CNIH3: variants seen among roughly 807,000 people sequenced by gnomAD.
CNIH3 encodes the protein cornichon family AMPA receptor auxiliary protein 3, also known as protein cornichon homolog 3.
CNIH3 carries 14 observed loss-of-function variants against 24.1 expected under a neutral mutation model. The observed-to-expected ratio is 0.58, with a 90% confidence interval of 0.38 to 0.91. The LOEUF (loss-of-function observed/expected upper bound fraction) is 0.91, where lower values mean the gene tolerates loss of function less well. Ranked by LOEUF, CNIH3 falls within the 40% of genes least tolerant of loss-of-function variation. The probability of loss-of-function intolerance (pLI) is 0.00; values close to 1 mark genes in which losing one functional copy is unlikely to be tolerated. For synonymous variants in CNIH3, 68 were observed against 73.8 expected (o/e 0.92, Z 0.40); for missense variants, 178 against 196.8 (o/e 0.90, Z 0.57).
At chr1:224,507,191 G>T (rs776894563) in intron 1 of CNIH3, among the ~76,000 whole-genome samples, 1 of 152,166 alleles carries the variant, frequency 6.6e-6, no homozygotes, top group Non-Finnish European at 1.5e-5. Context: ...GTATCAACAT[G>T]TATGTATCCC....
chr1:224,599,603 A>G (rs890324100), intron 3 of CNIH3, among the ~76,000 whole-genome samples: 3 of 151,858 alleles, frequency 2.0e-5, no homozygotes, highest in Non-Finnish European at 4.4e-5. Context: ...CATTTTGCAT[A>G]ATTTATTAGA....
intron 1 of CNIH3, among the ~76,000 whole-genome samples, chr1:224,671,700 A>G (rs1685875604): frequency 6.6e-6 from 1 of 152,244 alleles, no homozygotes; most frequent in African/African-American, 2.4e-5. Flanking sequence ...ACACTTTGGA[A>G]AGCTTCAACT....
rs1226773432 is a variant in CNIH3 at position 224,730,533 on chromosome 1, G to A, written c.270G>A (p.Thr90=). Residue 90 remains threonine (T), a synonymous_variant, in exon 4 of 6, where the codon ACG becomes ACA. Transcript: ENST00000272133. ...TCCTGTGTGCGCAAGAGTGGCTCAC[G>A]CTGGGGCTGAATGTCCCTCTACTTT... ...IMFLCAQEWL[T]LGLNVPLLFY... is the part of the protein sequence containing the mutation. 7 of 1,560,144 alleles carry A rather than the reference G, an allele frequency of 4.5e-6. No individual in the cohort carries two copies. The highest frequency in any genetic ancestry group is 2.4e-5 in the East Asian group (1 of 42,508).
At chr1:224,473,397 A>AAAAAC (rs764231763) in intron 1 of CNIH3, among the ~76,000 whole-genome samples, 51 of 152,324 alleles carry the variant, frequency 3.3e-4, no homozygotes, top group East Asian at 2.3e-3. Context: ...TGAATGGATT[A>AAAAAC]AAAACAAAAC....
At chr1:224,509,889 G>A (rs570971476) in intron 1 of CNIH3, among the ~76,000 whole-genome samples, 3 of 152,158 alleles carry the variant, frequency 2.0e-5, no homozygotes, top group African/African-American at 4.8e-5. Context: ...TCCCAGGGGC[G>A]AGCCCCAGCT....
intron 5 of CNIH3, among the ~76,000 whole-genome samples, chr1:224,586,900 G>C (rs1681534207): frequency 6.6e-6 from 1 of 152,162 alleles, no homozygotes; most frequent in Non-Finnish European, 1.5e-5. Context: ...CTAGACATTG[G>C]AAGAGTTGAG....
chr1:224,674,956 C>T (rs1686064852), intron 1 of CNIH3, among the ~76,000 whole-genome samples: 2 of 152,162 alleles, frequency 1.3e-5, no homozygotes, highest in Non-Finnish European at 2.9e-5. Context: ...TCACCCTTGC[C>T]CCACTTTTTC....
At chr1:224,686,756 C>G (rs933711852) in intron 3 of CNIH3, among the ~76,000 whole-genome samples, 3 of 152,228 alleles carry the variant, frequency 2.0e-5, no homozygotes, top group African/African-American at 7.2e-5. Flanking sequence ...ACCAGTGACT[C>G]CGGCCAGGCA....
At chr1:224,682,299 G>A (rs1011540242) in intron 2 of CNIH3, among the ~76,000 whole-genome samples, 1 of 152,102 alleles carries the variant, frequency 6.6e-6, no homozygotes, top group Non-Finnish European at 1.5e-5. Flanking sequence ...CCACAAAATG[G>A]ACTCGTTTGT....
At chr1:224,696,547 A>T (rs980558622) in intron 3 of CNIH3, among the ~76,000 whole-genome samples, 3 of 152,190 alleles carry the variant, frequency 2.0e-5, no homozygotes, top group Admixed American at 2.0e-4. Context: ...CAGGAATGTG[A>T]GGTGGGAGAG....
intron 1 of CNIH3, among the ~76,000 whole-genome samples, chr1:224,649,744 C>T (rs762677089): frequency 5.3e-5 from 8 of 152,156 alleles, no homozygotes; most frequent in African/African-American, 1.7e-4. Flanking sequence ...TTTTCCAGCC[C>T]GGTCCACCAA....
chr1:224,602,513 C>T (rs898457470), intron 3 of CNIH3, among the ~76,000 whole-genome samples: 5 of 152,140 alleles, frequency 3.3e-5, no homozygotes, highest in Admixed American at 3.3e-4. Flanking sequence ...ATGTGATTGC[C>T]ATTCTGAAGA....
At chr1:224,662,072 G>T (rs1364456121) in intron 1 of CNIH3, among the ~76,000 whole-genome samples, 6 of 152,180 alleles carry the variant, frequency 3.9e-5, no homozygotes, top group African/African-American at 1.4e-4. Flanking sequence ...CTGTCTATCA[G>T]ATGTTAGCAT....
At chr1:224,510,098 TG>T (rs1286178149) in intron 1 of CNIH3, among the ~76,000 whole-genome samples, 2 of 152,190 alleles carry the variant, frequency 1.3e-5, no homozygotes, top group Non-Finnish European at 2.9e-5. Context: ...CTTCTCATCC[TG>T]CCTTGTTTAA....
intron 1 of CNIH3, among the ~76,000 whole-genome samples, chr1:224,676,819 C>T (rs1030159685): frequency 6.6e-6 from 1 of 152,196 alleles, no homozygotes; most frequent in South Asian, 2.1e-4. Context: ...GGCTTCTATC[C>T]TCAGACAGGT....
Position 224,616,593 on chromosome 1 carries a change from C to T in CNIH3, c.-582C>T. 27 of 986,666 alleles carry T rather than the reference C, an allele frequency of 2.7e-5. No homozygotes were observed. Among genetic ancestry groups the T allele is most frequent in the Non-Finnish European group, 3.1e-5 (26 of 830,854 alleles). 61.1% of individuals were successfully genotyped at this position (986,666 alleles called of 1,614,324 possible). A position where few individuals can be genotyped will look rare whatever the true frequency, so the allele number is the denominator to read the frequency against. On this transcript the variant is annotated 5_prime_UTR_variant, in exon 1 of 6. Coordinates refer to ENST00000272133, the MANE Select transcript of CNIH3 (RefSeq NM_152495.2). The stretch of plus-strand genomic sequence containing the variant: ...GCAGGACCAACGGGACCTACCTCCT[C>T]CCGGCTACCTAAAGACTCCTTCTCT...
At chr1:224,735,352 A>G (rs1267582747) in intron 5 of CNIH3, among the ~76,000 whole-genome samples, 1 of 152,138 alleles carries the variant, frequency 6.6e-6, no homozygotes, top group East Asian at 1.9e-4. Flanking sequence ...CTATAAACAG[A>G]CTGTCTTGTG....
At position 224,630,697 on chromosome 1, in the gene CNIH3, C is replaced by T. The variant is rs114123425; in HGVS notation, c.81+13442C>T. Among the ~76,000 whole-genome samples the T allele has an allele frequency of 7.9e-3, 1,196 of 152,236 alleles. 21 individuals are homozygous for T. The highest frequency in any genetic ancestry group is 0.027 in the Middle Eastern group (8 of 292). On this transcript the variant is annotated intron_variant, in intron 1 of 5. Coordinates refer to ENST00000272133, the MANE Select transcript of CNIH3 (RefSeq NM_152495.2). ...ATGCCTTAGTGGGAACAATTAATCA[C>T]ACATTTATTCAACCATCATTTGCTT...
chr1:224,564,048 T>C (rs555059290), intron 3 of CNIH3, among the ~76,000 whole-genome samples: 25 of 152,206 alleles, frequency 1.6e-4, no homozygotes, highest in Non-Finnish European at 3.5e-4. Context: ...AAAAGACCCA[T>C]GTGATGAGAG....
Sources: allele counts gnomAD v4.1 joint callset (sites outside exome capture counted in the v4.1 genomes callset), GRCh38; gene constraint gnomAD v4.1.1; transcripts MANE v1.5; gene names NCBI Gene and HGNC (gene_info 2026-07-23, HGNC 2026-07-21).